Variants in SLC8A1 observed in about 807,000 individuals in gnomAD.
SLC8A1 encodes solute carrier family 8 member A1, also known as sodium/calcium exchanger 1.
SLC8A1 carries 18 observed loss-of-function variants against 68.3 expected under a neutral mutation model. That is an observed-to-expected ratio of 0.26 (90% CI 0.18 to 0.39). SLC8A1 has a LOEUF of 0.39. Among genes scored for constraint, SLC8A1 ranks in the 10% least tolerant of loss-of-function variants. SLC8A1 has a pLI of 1.00. For missense variants in SLC8A1, 985 were observed against 1,156.7 expected, an observed-to-expected ratio of 0.85 and a Z score of 2.15; for synonymous variants, 475 against 415.5, an observed-to-expected ratio of 1.14 and a Z score of -1.74.
chr2:40,289,390 G>A (rs2068886523), intron 2 of SLC8A1, among the ~76,000 whole-genome samples: 1 of 152,106 alleles, frequency 6.6e-6, no homozygotes, highest in Non-Finnish European at 1.5e-5. Flanking sequence ...ACATTTGGGA[G>A]TTGTGAGAGA....
At chr2:40,141,732 A>G (rs1291156193) in intron 6 of SLC8A1, among the ~76,000 whole-genome samples, 1 of 152,186 alleles carries the variant, frequency 6.6e-6, no homozygotes, top group Admixed American at 6.5e-5. Flanking sequence ...TCATCACCTC[A>G]GAGTGTGACC....
intron 7 of SLC8A1, among the ~76,000 whole-genome samples, chr2:40,116,342 T>C (rs570325860): frequency 6.6e-6 from 1 of 152,310 alleles, no homozygotes; most frequent in Admixed American, 6.5e-5. Flanking sequence ...CTTTAAGTTT[T>C]AGGGTACATG....
At chr2:40,440,765 T>C (rs553686969) in intron 1 of SLC8A1, among the ~76,000 whole-genome samples, 2 of 152,292 alleles carry the variant, frequency 1.3e-5, no homozygotes, top group South Asian at 2.1e-4. Context: ...AAACTAGGGA[T>C]TGATGGGACA....
At chr2:40,385,963 T>G (rs10181007) in intron 2 of SLC8A1, among the ~76,000 whole-genome samples, 110,107 of 150,720 alleles carry the variant, frequency 0.73, 41,707 homozygotes, top group African/African-American at 0.93. Flanking sequence ...GTAAACCTTC[T>G]GAATTATAAT....
chr2:40,149,626 G>A (rs2043058596), intron 6 of SLC8A1, among the ~76,000 whole-genome samples: 1 of 152,178 alleles, frequency 6.6e-6, no homozygotes, highest in African/African-American at 2.4e-5. Context: ...GATGGAAAGA[G>A]GATTGACTTG....
At chr2:40,225,041 T>C (rs1192713622) in intron 2 of SLC8A1, among the ~76,000 whole-genome samples, 1 of 152,146 alleles carries the variant, frequency 6.6e-6, no homozygotes, top group East Asian at 1.9e-4. Context: ...GGTTTTTCCA[T>C]TTAAGACAAC....
At chr2:40,118,307 C>T (rs953011205) in intron 7 of SLC8A1, 1 of 152,262 alleles carries the variant, frequency 6.6e-6, no homozygotes, top group Non-Finnish European at 1.5e-5. Flanking sequence ...TGTCTTTCCT[C>T]TTAGTTCATT....
chr2:40,391,138 T>A (rs1685105045), intron 2 of SLC8A1, among the ~76,000 whole-genome samples: 1 of 148,958 alleles, frequency 6.7e-6, no homozygotes, highest in Non-Finnish European at 1.5e-5. Flanking sequence ...TCTATTCTCC[T>A]TAAAATATAT....
intron 2 of SLC8A1, among the ~76,000 whole-genome samples, chr2:40,190,986 A>T (rs1336527155): frequency 1.7e-5 from 2 of 118,908 alleles, no homozygotes; most frequent in Admixed American, 2.0e-4. Context: ...CTTTTAAAGG[A>T]ATATTCATTT....
intron 2 of SLC8A1, among the ~76,000 whole-genome samples, chr2:40,394,837 G>T (rs1686426491): frequency 6.6e-6 from 1 of 152,070 alleles, no homozygotes; most frequent in South Asian, 2.1e-4. Flanking sequence ...GGCCACAGAA[G>T]TTGTCATTTG....
At chr2:40,472,598 C>A (rs1322477124) in intron 1 of SLC8A1, among the ~76,000 whole-genome samples, 6 of 152,118 alleles carry the variant, frequency 3.9e-5, no homozygotes, top group African/African-American at 1.4e-4. Context: ...TCACTCCTTG[C>A]TTGAAGTAGT....
chr2:40,177,049 CT>C (rs11290360), intron 3 of SLC8A1, among the ~76,000 whole-genome samples: 117,227 of 151,814 alleles, frequency 0.77, 45,901 homozygotes, highest in Middle Eastern at 0.85. Context: ...TTTATTTTTT[CT>C]TTTTTTTATA....
intron 2 of SLC8A1, among the ~76,000 whole-genome samples, chr2:40,273,394 C>T (rs1266864072): frequency 6.6e-6 from 1 of 152,170 alleles, no homozygotes; most frequent in Non-Finnish European, 1.5e-5. Context: ...TGCCCAGCCC[C>T]AAATACTCTT....
chr2:40,182,472 G>A (rs1053535265), intron 2 of SLC8A1, among the ~76,000 whole-genome samples: 9 of 151,838 alleles, frequency 5.9e-5, no homozygotes, highest in Non-Finnish European at 1.2e-4. Flanking sequence ...AGTACATTTT[G>A]GTTCTATTTC....
intron 7 of SLC8A1, among the ~76,000 whole-genome samples, chr2:40,120,480 T>C (rs1021812442): frequency 6.6e-6 from 1 of 152,232 alleles, no homozygotes; most frequent in Non-Finnish European, 1.5e-5. Context: ...TTTTTTAGAT[T>C]GCAGTTTCCT....
intron 4 of SLC8A1, among the ~76,000 whole-genome samples, chr2:40,169,156 T>A (rs12993486): frequency 6.6e-6 from 1 of 152,074 alleles, no homozygotes; most frequent in Non-Finnish European, 1.5e-5. Flanking sequence ...GGTGAAGTGC[T>A]GAGAGTGGGA....
At chr2:40,329,553 G>A (rs1039475358) in intron 2 of SLC8A1, among the ~76,000 whole-genome samples, 1 of 152,172 alleles carries the variant, frequency 6.6e-6, no homozygotes, top group Non-Finnish European at 1.5e-5. Context: ...AATAAGAGAT[G>A]GAAAGAGAAA....
chr2:40,295,940 T>C (rs1360210041), intron 2 of SLC8A1, among the ~76,000 whole-genome samples: 5 of 152,120 alleles, frequency 3.3e-5, no homozygotes, highest in Non-Finnish European at 7.4e-5. Context: ...AGAGACAGTG[T>C]ACCCAAGGAA....
At chr2:40,427,309 ATATT>A (rs1697131407) in intron 2 of SLC8A1, among the ~76,000 whole-genome samples, 1 of 152,068 alleles carries the variant, frequency 6.6e-6, no homozygotes, top group African/African-American at 2.4e-5. Context: ...GAGAAATTTC[ATATT>A]TAAAGAGCAT....
Sources: allele counts gnomAD v4.1 joint callset (sites outside exome capture counted in the v4.1 genomes callset), GRCh38; gene constraint gnomAD v4.1.1; transcripts MANE v1.5; gene names NCBI Gene and HGNC (gene_info 2026-07-23, HGNC 2026-07-21).